The following AGAP1 variants were observed in gnomAD, a reference collection of about 807,000 sequenced individuals.
AGAP1 encodes ArfGAP with GTPase domain, ankyrin repeat and PH domain 1, also known as arf-GAP with GTPase, ANK repeat and PH domain-containing protein 1.
A neutral mutation model predicts 105.3 loss-of-function variants in AGAP1; 29 were observed. The observed-to-expected ratio is 0.28, with a 90% CI of 0.21 to 0.38. AGAP1 has a LOEUF of 0.38. AGAP1 is among the 10% of genes least tolerant of loss of function. AGAP1 has a pLI of 1.00. For missense variants in AGAP1, 998 were observed against 1,165.1 expected (o/e 0.86, Z 2.09); for synonymous variants, 509 against 485.9 (o/e 1.05, Z -0.63).
rs574660267 is a variant in AGAP1 at position 235,801,095 on chromosome 2, C to T, written c.957+1573C>T. 6.6e-6 allele frequency among the ~76,000 whole-genome samples: 1 copy of T among 152,190 alleles called. No homozygotes were observed. Among genetic ancestry groups the T allele is most frequent in the Non-Finnish European group, 1.5e-5 (1 of 68,046 alleles). ...AGGCGGTTGCCAGCTGCACACACCC[C>T]CTCGTCCCCAGCCTCCCCTTGCTTT... On this transcript the variant is annotated intron_variant, in intron 8 of 17. Transcript: ENST00000304032. The surrounding 1 kb of genome is among the most constrained non-coding windows in gnomAD (Gnocchi z 6.0).
chr2:236,072,133 T>TG (rs1009753845), intron 16 of AGAP1, among the ~76,000 whole-genome samples: 2 of 149,056 alleles, frequency 1.3e-5, no homozygotes, highest in African/African-American at 4.9e-5. Context: ...GGGTTTTTTT[T>TG]TTTTTTTTTT....
At chr2:235,624,100 A>G (rs1461977273) in intron 1 of AGAP1, among the ~76,000 whole-genome samples, 3 of 152,226 alleles carry the variant, frequency 2.0e-5, no homozygotes, top group Non-Finnish European at 4.4e-5. Flanking sequence ...AGACTTTGTG[A>G]AAGGAAACTT....
chr2:236,068,866 C>T (rs1166583147), intron 16 of AGAP1, among the ~76,000 whole-genome samples: 4 of 147,852 alleles, frequency 2.7e-5, no homozygotes, highest in African/African-American at 7.5e-5. Context: ...TGGTGGTTCA[C>T]GCCTGTAATC....
chr2:235,775,355 C>T (rs994758477), intron 6 of AGAP1, among the ~76,000 whole-genome samples: 17 of 152,184 alleles, frequency 1.1e-4, no homozygotes, highest in African/African-American at 4.1e-4. Context: ...CATTTTGTGC[C>T]AGCCAAAAGT....
chr2:235,704,597 G>A (rs111277249), intron 1 of AGAP1, among the ~76,000 whole-genome samples: 11,587 of 151,938 alleles, frequency 0.076, 1,440 homozygotes, highest in African/African-American at 0.26. Context: ...AGTGAGCCAA[G>A]ATCGCGCCAC....
At chr2:236,011,593 G>C (rs879725318) in intron 13 of AGAP1, among the ~76,000 whole-genome samples, 23 of 152,102 alleles carry the variant, frequency 1.5e-4, no homozygotes, top group Non-Finnish European at 2.5e-4. Context: ...CTGCCTTTTT[G>C]TTTAATAACA....
At chr2:235,807,418 T>G (rs1559511454) in intron 9 of AGAP1, 87 bp downstream of exon 9, 2 of 1,220,864 alleles carry the variant, frequency 1.6e-6, no homozygotes, top group Admixed American at 5.0e-5. Flanking sequence ...CGCACCAAGG[T>G]CTGTCTGATG....
At position 235,979,394 on chromosome 2, in the gene AGAP1, G is replaced by T. The variant is rs985691673; in HGVS notation, c.1645+10771G>T. ...TAAGTGTTAATCAAATGCCTGTCTC[G>T]CCTGGCTGCGGGGTCCGATCATAGT... On this transcript the variant is annotated intron_variant, in intron 13 of 17. Transcript: ENST00000304032. This position sits in a 1 kb window ranked among gnomAD's most constrained non-coding sequence, Gnocchi z 4.5. 2.0e-5 allele frequency among the ~76,000 whole-genome samples: 3 copies of T among 152,128 alleles called. No individual in the cohort carries two copies. The highest frequency in any genetic ancestry group is 7.2e-5 in the African/African-American group (3 of 41,430).
chr2:235,690,141 C>A lies in AGAP1; in HGVS notation c.164-19038C>A, dbSNP rs1185674756. Among the ~76,000 whole-genome samples, 1 of 152,054 alleles carries A rather than the reference C, an allele frequency of 6.6e-6. No individual in the cohort carries two copies. Among genetic ancestry groups the A allele is most frequent in the African/African-American group, 2.4e-5 (1 of 41,400 alleles). ...TGAGTCCCCAGGTTCCCCTCTCCCCCTACCTGAGGTACTGAGGGATCTCAC... is the reference window on the plus strand; with the variant it reads ...TGAGTCCCCAGGTTCCCCTCTCCCCATACCTGAGGTACTGAGGGATCTCAC... On this transcript the variant is annotated intron_variant, in intron 1 of 17. Coordinates refer to ENST00000304032, the MANE Select transcript of AGAP1 (RefSeq NM_001037131.3). The surrounding 1 kb of genome is among the most constrained non-coding windows in gnomAD (Gnocchi z 4.1).
chr2:235,538,530 T>C (rs1943323680), intron 1 of AGAP1, among the ~76,000 whole-genome samples: 1 of 151,472 alleles, frequency 6.6e-6, no homozygotes, highest in East Asian at 2.0e-4. Context: ...TCCTGTTCTC[T>C]GCACAGTTCT....
chr2:235,570,516 A>G (rs979042323), intron 1 of AGAP1, among the ~76,000 whole-genome samples: 1 of 152,218 alleles, frequency 6.6e-6, no homozygotes, highest in Non-Finnish European at 1.5e-5. Context: ...TTCCATGTAA[A>G]GGCAGCCTCC....
Position 235,799,593 on chromosome 2 carries a change from C to T in AGAP1, c.957+71C>T, listed in dbSNP as rs1957398461. On this transcript the variant is annotated intron_variant, in intron 8 of 17. Transcript: ENST00000304032. This position sits in a 1 kb window ranked among gnomAD's most constrained non-coding sequence, Gnocchi z 5.0. ...TTCCCATTAACGTAAACCTGGTTGC[C>T]ACATGGTTCAGTGGTATTTGTAGAA... 2.6e-6 allele frequency: 4 copies of T among 1,524,792 alleles called. No homozygotes were observed. In the East Asian group the frequency reaches 6.8e-5, roughly 26 times the overall value. 94.5% of individuals were successfully genotyped at this position (1,524,792 alleles called of 1,614,324 possible).
intron 9 of AGAP1, among the ~76,000 whole-genome samples, chr2:235,833,927 A>C (rs1575581268): frequency 7.2e-6 from 1 of 139,288 alleles, no homozygotes. Context: ...TAATTATCTC[A>C]CATATTTTGT....
rs760539122 is a variant in AGAP1 at position 235,874,994 on chromosome 2, G to A, written c.1051-8351G>A. On this transcript the variant is annotated intron_variant, in intron 9 of 17. Coordinates refer to ENST00000304032, the MANE Select transcript of AGAP1 (RefSeq NM_001037131.3). The surrounding 1 kb of genome is among the most constrained non-coding windows in gnomAD (Gnocchi z 4.5). Reference sequence around the variant, plus strand: ...CAAACTAGAAACAGCTCTCCCAAACGTGGGCAAAAAAAGAAACTAGAACTG... The same window carrying A: ...CAAACTAGAAACAGCTCTCCCAAACATGGGCAAAAAAAGAAACTAGAACTG... Among the ~76,000 whole-genome samples the A allele has an allele frequency of 2.0e-5, 3 of 152,070 alleles. No individual in the cohort carries two copies. The highest frequency in any genetic ancestry group is 2.9e-5 in the Non-Finnish European group (2 of 68,002).
intron 6 of AGAP1, chr2:235,774,489 A>G: frequency 2.5e-6 from 1 of 395,618 alleles, no homozygotes; most frequent in Non-Finnish European, 5.3e-6. Context: ...TAATGGGAAA[A>G]TAAGATTCCA....
Position 235,864,349 on chromosome 2 carries a change from C to T in AGAP1, c.1051-18996C>T, listed in dbSNP as rs182484694. On this transcript the variant is annotated intron_variant, in intron 9 of 17. Coordinates refer to ENST00000304032, the MANE Select transcript of AGAP1 (RefSeq NM_001037131.3). This position sits in a 1 kb window ranked among gnomAD's most constrained non-coding sequence, Gnocchi z 5.0. Reference sequence around the variant, plus strand: ...TGGAGGCCTGGGTGTGCTTCCTAGGCAGGCAGTTGGATTCTGTTTAATTTT... The same window carrying T: ...TGGAGGCCTGGGTGTGCTTCCTAGGTAGGCAGTTGGATTCTGTTTAATTTT... Among the ~76,000 whole-genome samples the T allele has an allele frequency of 2.4e-4, 36 of 152,368 alleles. No homozygotes were observed. The highest frequency in any genetic ancestry group is 4.6e-4 in the Admixed American group (7 of 15,304).
At position 236,002,287 on chromosome 2, in the gene AGAP1, T is replaced by C. The variant is rs1449654583; in HGVS notation, c.1645+33664T>C. Among the ~76,000 whole-genome samples the C allele has an allele frequency of 2.6e-5, 4 of 152,204 alleles. No homozygotes were observed. Among genetic ancestry groups the C allele is most frequent in the Admixed American group, 2.6e-4 (4 of 15,290 alleles). ...ACCCAGCCTGAGCCCAGGAGGCTCC[T>C]GGTCCCGTCCTGGAACAGCCGGTGA... On this transcript the variant is annotated intron_variant, in intron 13 of 17. Coordinates refer to ENST00000304032, the MANE Select transcript of AGAP1 (RefSeq NM_001037131.3). The surrounding 1 kb of genome is among the most constrained non-coding windows in gnomAD (Gnocchi z 4.3).
chr2:235,518,449 T>C (rs1317632890), intron 1 of AGAP1, among the ~76,000 whole-genome samples: 3 of 152,218 alleles, frequency 2.0e-5, no homozygotes, highest in Admixed American at 6.5e-5. Context: ...TGAGACTTTT[T>C]GTGATGATGC....
chr2:235,755,929 C>T (rs1953890202), intron 6 of AGAP1, among the ~76,000 whole-genome samples: 1 of 152,022 alleles, frequency 6.6e-6, no homozygotes. Flanking sequence ...GAAAGGTCAC[C>T]TAAAATAGTT....
Sources: allele counts gnomAD v4.1 joint callset (sites outside exome capture counted in the v4.1 genomes callset), GRCh38; gene constraint gnomAD v4.1.1; non-coding constraint Gnocchi (gnomAD v3.1); transcripts MANE v1.5; gene names NCBI Gene and HGNC (gene_info 2026-07-23, HGNC 2026-07-21).